TUSC3: variants seen among roughly 807,000 people sequenced by gnomAD.
The protein encoded by TUSC3 is dolichyl-diphosphooligosaccharide--protein glycosyltransferase subunit TUSC3.
In TUSC3, 45 loss-of-function variants were observed where a neutral mutation model predicts 44.8. The ratio of observed to expected loss-of-function variants is 1.00; its 90% CI spans 0.79 to 1.29. TUSC3 has a LOEUF of 1.29. Ranked by LOEUF, TUSC3 falls within the 50% of genes most tolerant of loss-of-function variation. The pLI, the probability that TUSC3 is intolerant of heterozygous loss-of-function variation, is 0.00. For missense variants in TUSC3, 519 were observed against 437.9 expected, an observed-to-expected ratio of 1.19 and a Z score of -1.65; for synonymous variants, 212 against 152.9, an observed-to-expected ratio of 1.39 and a Z score of -2.85.
At chr8:15,706,986 G>A (rs1016445435) in intron 6 of TUSC3, among the ~76,000 whole-genome samples, 1 of 151,866 alleles carries the variant, frequency 6.6e-6, no homozygotes, top group African/African-American at 2.4e-5. Context: ...CATATTATAA[G>A]TCATCATTTG....
At chr8:15,655,123 T>C (rs912375136) in intron 3 of TUSC3, among the ~76,000 whole-genome samples, 15 of 152,020 alleles carry the variant, frequency 9.9e-5, no homozygotes, top group African/African-American at 3.6e-4. Flanking sequence ...GACCATCATG[T>C]GATGATCAGG....
chr8:15,596,688 A>T (rs1296408386), intron 1 of TUSC3, among the ~76,000 whole-genome samples: 1 of 152,036 alleles, frequency 6.6e-6, no homozygotes, highest in Non-Finnish European at 1.5e-5. Flanking sequence ...TATTTAATTG[A>T]TTTATAAAGA....
intron 1 of TUSC3, among the ~76,000 whole-genome samples, chr8:15,564,076 T>G (rs1802577940): frequency 6.6e-6 from 1 of 152,162 alleles, no homozygotes; most frequent in Non-Finnish European, 1.5e-5. Flanking sequence ...ACCATTATTA[T>G]TCTGTCAGAT....
intron 2 of TUSC3, among the ~76,000 whole-genome samples, chr8:15,496,270 T>G (rs1170667750): frequency 6.6e-6 from 1 of 152,198 alleles, no homozygotes; most frequent in African/African-American, 2.4e-5. Flanking sequence ...CCTTTTAACA[T>G]ATGTTCTGCC....
intron 1 of TUSC3, among the ~76,000 whole-genome samples, chr8:15,569,364 G>A (rs1802786359): frequency 6.6e-6 from 1 of 152,110 alleles, no homozygotes; most frequent in African/African-American, 2.4e-5. Context: ...AAATATAGAT[G>A]AATTGAGGTG....
At chr8:15,632,107 C>T (rs1220733536) in intron 2 of TUSC3, among the ~76,000 whole-genome samples, 1 of 152,138 alleles carries the variant, frequency 6.6e-6, no homozygotes, top group African/African-American at 2.4e-5. Context: ...TTAAATTTTG[C>T]ATTTGTCTCC....
chr8:15,776,098 A>G, the TUSC3 span, among the ~76,000 whole-genome samples: 1 of 152,124 alleles, frequency 6.6e-6, no homozygotes, highest in Non-Finnish European at 1.5e-5. Flanking sequence ...CTGGCATCTT[A>G]TCATGACGGA....
intron 3 of TUSC3, among the ~76,000 whole-genome samples, chr8:15,652,949 C>T (rs1452361594): frequency 1.3e-5 from 2 of 152,108 alleles, no homozygotes; most frequent in Non-Finnish European, 2.9e-5. Context: ...GTTACGATAC[C>T]TGATGTACTA....
intron 1 of TUSC3, among the ~76,000 whole-genome samples, chr8:15,447,620 A>T (rs1800124127): frequency 6.6e-6 from 1 of 152,140 alleles, no homozygotes; most frequent in African/African-American, 2.4e-5. Flanking sequence ...GTCACTTTTG[A>T]CTTTCTTGAT....
chr8:15,598,587 G>GTCTGTGTCTCACCTAT (rs11275085), intron 1 of TUSC3, among the ~76,000 whole-genome samples: 128,177 of 151,260 alleles, frequency 0.85, 54,535 homozygotes, highest in Non-Finnish European at 0.87. Flanking sequence ...CCTAAAACTC[G>GTCTGTGTCTCACCTAT]TCATACTTCC....
chr8:15,797,809 T>C, the TUSC3 span, among the ~76,000 whole-genome samples: 3 of 152,188 alleles, frequency 2.0e-5, no homozygotes, highest in Non-Finnish European at 4.4e-5. Flanking sequence ...ATCTGTGTAA[T>C]GAATTCAATC....
intron 1 of TUSC3, among the ~76,000 whole-genome samples, chr8:15,564,576 T>G (rs1337372688): frequency 6.6e-6 from 1 of 152,130 alleles, no homozygotes; most frequent in Non-Finnish European, 1.5e-5. Flanking sequence ...TTCATTCTTT[T>G]ATTAGATTTT....
At position 15,650,984 on chromosome 8, in the gene TUSC3, TACACACACACACACACACAC is replaced by T. The variant is rs3070913; in HGVS notation, c.426+190_426+209del. Reference sequence around the variant, plus strand: ...CAGGTGGAGGACAGAGCAAGACTTTTACACACACACACACACACACACACACACACACACACACAAATACA... The same window carrying T: ...CAGGTGGAGGACAGAGCAAGACTTTTACACACACACACACACACAAATACA... On this transcript the variant is annotated intron_variant, in intron 3 of 10. Coordinates refer to ENST00000503731, the MANE Select transcript of TUSC3 (RefSeq NM_006765.4). 4 of 501,874 alleles carry T rather than the reference TACACACACACACACACACAC, an allele frequency of 8.0e-6. No homozygotes were observed. In the Admixed American group the frequency reaches 1.1e-4, roughly 14 times the overall value. 31.1% of individuals were successfully genotyped at this position (501,874 alleles called of 1,614,324 possible). A position where few individuals can be genotyped will look rare whatever the true frequency, so the allele number is the denominator to read the frequency against.
chr8:15,455,910 A>T (rs1800251007), intron 1 of TUSC3, among the ~76,000 whole-genome samples: 1 of 152,194 alleles, frequency 6.6e-6, no homozygotes, highest in Admixed American at 6.5e-5. Flanking sequence ...TTCCCCATTT[A>T]TTCCTGCAGA....
chr8:15,520,803 C>G (rs1410270911), intron 2 of TUSC3, among the ~76,000 whole-genome samples: 2 of 152,162 alleles, frequency 1.3e-5, no homozygotes, highest in Admixed American at 6.5e-5. Flanking sequence ...TAAGGTTTTT[C>G]TGTGTTCTAG....
intron 7 of TUSC3, among the ~76,000 whole-genome samples, chr8:15,737,456 G>A (rs1486946275): frequency 6.6e-6 from 1 of 152,110 alleles, no homozygotes; most frequent in Non-Finnish European, 1.5e-5. Context: ...GCTTTTTTAT[G>A]TGGGATCATG....
the TUSC3 span, among the ~76,000 whole-genome samples, chr8:15,827,994 C>CTTTT: frequency 1.2e-4 from 17 of 138,148 alleles, no homozygotes; most frequent in African/African-American, 1.9e-4. Flanking sequence ...AATTTGGTAT[C>CTTTT]TTTTTTTTTT....
At chr8:15,572,752 T>TTCC (rs2129143743) in intron 1 of TUSC3, among the ~76,000 whole-genome samples, 1 of 152,244 alleles carries the variant, frequency 6.6e-6, no homozygotes, top group African/African-American at 2.4e-5. Context: ...TTCAATGTTT[T>TTCC]TATGCTTTAG....
chr8:15,725,423 A>T (rs1051410051), intron 6 of TUSC3, among the ~76,000 whole-genome samples: 1 of 152,198 alleles, frequency 6.6e-6, no homozygotes. Flanking sequence ...GGTTGGGTAT[A>T]TAAGGGACTT....
Sources: gnomAD v4.1 joint callset for allele counts (sites outside exome capture counted in the v4.1 genomes callset) on GRCh38, gnomAD v4.1.1 for gene constraint, MANE v1.5 for transcripts, NCBI Gene and HGNC (gene_info 2026-07-23, HGNC 2026-07-21) for gene names.